Variants in MECOM observed in about 807,000 individuals in gnomAD.
MECOM encodes the protein histone-lysine N-methyltransferase MECOM.
In MECOM, 13 loss-of-function variants were observed where a neutral mutation model predicts 116.3. That is an observed-to-expected ratio of 0.11 (90% CI 0.07 to 0.18). The LOEUF is 0.18. Among genes scored for constraint, MECOM ranks in the 10% least tolerant of loss-of-function variants. MECOM has a pLI of 1.00. For synonymous variants in MECOM, 528 were observed against 535.2 expected (o/e 0.99, Z 0.19); for missense variants, 1,299 against 1,509.0 (o/e 0.86, Z 2.31).
At chr3:169,124,197 T>A (rs1732019894) in intron 5 of MECOM, among the ~76,000 whole-genome samples, 1 of 152,068 alleles carries the variant, frequency 6.6e-6, no homozygotes, top group African/African-American at 2.4e-5. Flanking sequence ...TGAGCGTAAA[T>A]CCCAGCAAAG....
intron 1 of MECOM, among the ~76,000 whole-genome samples, chr3:169,658,298 A>G (rs952580839): frequency 1.8e-4 from 27 of 152,176 alleles, no homozygotes; most frequent in Admixed American, 6.5e-5. Flanking sequence ...TCAGAGTGTA[A>G]CTTTTCCCTC....
At chr3:169,557,199 G>GC (rs990560131) in intron 1 of MECOM, among the ~76,000 whole-genome samples, 23 of 152,234 alleles carry the variant, frequency 1.5e-4, no homozygotes, top group African/African-American at 5.3e-4. Context: ...AAGGGAATGT[G>GC]CCCCTTCTGA....
At chr3:169,530,580 T>C (rs563607653) in intron 1 of MECOM, among the ~76,000 whole-genome samples, 1 of 152,204 alleles carries the variant, frequency 6.6e-6, no homozygotes, top group South Asian at 2.1e-4. Context: ...GGCTTGGATC[T>C]AGTCTCTATA....
At position 169,547,223 on chromosome 3, in the gene MECOM, G is replaced by A. The variant is rs1042789599; in HGVS notation, c.37+116113C>T. Among the ~76,000 whole-genome samples the A allele has an allele frequency of 7.9e-5, 12 of 152,068 alleles. No homozygotes were observed. The East Asian group carries it at 2.1e-3, about 27-fold the overall frequency. On this transcript the variant is annotated intron_variant, in intron 1 of 16. Coordinates refer to ENST00000651503, the MANE Select transcript of MECOM (RefSeq NM_004991.4). ...GAAAGTATGTGGCACTTCCCCCTTT[G>A]TGCTGTCTCGCTCTCTCTCTCCTGC...
At chr3:169,289,786 T>A (rs1714141254) in intron 2 of MECOM, among the ~76,000 whole-genome samples, 1 of 152,202 alleles carries the variant, frequency 6.6e-6, no homozygotes, top group Non-Finnish European at 1.5e-5. Flanking sequence ...TAACTTCCCA[T>A]CTGAGGTTGG....
intron 1 of MECOM, among the ~76,000 whole-genome samples, chr3:169,659,088 A>G (rs9879704): frequency 4.8e-4 from 73 of 151,038 alleles, no homozygotes; most frequent in Middle Eastern, 3.4e-3. Context: ...AAAAAAAAAA[A>G]AAAGAAAGAG....
At chr3:169,421,743 A>G (rs146344366) in intron 1 of MECOM, among the ~76,000 whole-genome samples, 131 of 152,078 alleles carry the variant, frequency 8.6e-4, no homozygotes, top group African/African-American at 2.9e-3. Context: ...TCTTTTCTGC[A>G]TTACGATTGG....
At chr3:169,638,036 G>T (rs1280059104) in intron 1 of MECOM, among the ~76,000 whole-genome samples, 1 of 152,176 alleles carries the variant, frequency 6.6e-6, no homozygotes, top group East Asian at 1.9e-4. Context: ...CTCTGGAGAA[G>T]AAATATTTCA....
At chr3:169,565,095 A>G (rs1763073509) in intron 1 of MECOM, among the ~76,000 whole-genome samples, 1 of 152,168 alleles carries the variant, frequency 6.6e-6, no homozygotes, top group Non-Finnish European at 1.5e-5. Context: ...GGACAAAAGA[A>G]GAAAGGAAAG....
At chr3:169,278,031 C>T (rs376295694) in intron 2 of MECOM, among the ~76,000 whole-genome samples, 16 of 152,196 alleles carry the variant, frequency 1.1e-4, no homozygotes, top group African/African-American at 3.9e-4. Flanking sequence ...TTTACAAACA[C>T]AGTATCAAGC....
intron 1 of MECOM, among the ~76,000 whole-genome samples, chr3:169,484,728 ACTTTTATTTC>A (rs2108874662): frequency 6.6e-6 from 1 of 152,324 alleles, no homozygotes; most frequent in African/African-American, 2.4e-5. Context: ...AAATTATGGC[ACTTTTATTTC>A]CTATGAAGGC....
intron 2 of MECOM, among the ~76,000 whole-genome samples, chr3:169,192,106 T>C (rs1747782241): frequency 6.6e-6 from 1 of 152,026 alleles, no homozygotes; most frequent in African/African-American, 2.4e-5. Context: ...ATGCATAGGT[T>C]TGAGGATCAC....
At position 169,258,534 on chromosome 3, in the gene MECOM, C is replaced by A. The variant is rs367978007; in HGVS notation, c.376-114702G>T. Among the ~76,000 whole-genome samples the A allele has an allele frequency of 8.5e-5, 13 of 152,326 alleles. No individual in the cohort carries two copies. The East Asian group carries it at 2.1e-3, about 25-fold the overall frequency. ...GCCATGTTAAACTGTGGAGTAACCACTCCTGCTCTAAGCCCTTCATCAAAC... is the reference window on the plus strand; with the variant it reads ...GCCATGTTAAACTGTGGAGTAACCAATCCTGCTCTAAGCCCTTCATCAAAC... On this transcript the variant is annotated intron_variant, in intron 2 of 16. Transcript: ENST00000651503.
chr3:169,626,502 C>A (rs1215712189), intron 1 of MECOM, among the ~76,000 whole-genome samples: 1 of 152,150 alleles, frequency 6.6e-6, no homozygotes, highest in East Asian at 1.9e-4. Flanking sequence ...CTCTCTCACT[C>A]AACAAAAAGA....
chr3:169,439,960 C>A (rs1553853261), intron 1 of MECOM, among the ~76,000 whole-genome samples: 1 of 151,946 alleles, frequency 6.6e-6, no homozygotes, highest in Admixed American at 6.6e-5. Flanking sequence ...ACAAGCAAAG[C>A]CAAACAATAT....
intron 2 of MECOM, among the ~76,000 whole-genome samples, chr3:169,380,514 T>C (rs1054126204): frequency 1.3e-5 from 2 of 152,182 alleles, no homozygotes; most frequent in Admixed American, 1.3e-4. Flanking sequence ...AATTCTTAGA[T>C]GTTGCCAAAT....
rs372618015 is a variant in MECOM, at chr3:169,210,716, T to C, written c.376-66884A>G. ...CATGTAACCACCGCCCTAATTGAGA[T>C]AGAGAGCAGTTCCACCTCCCCAGAG... is the stretch of plus-strand genomic sequence containing the variant. On this transcript the variant is annotated intron_variant, in intron 2 of 16. Transcript: ENST00000651503. Among the ~76,000 whole-genome samples, 24 of 152,290 alleles carry C rather than the reference T, an allele frequency of 1.6e-4. No individual in the cohort carries two copies. In the East Asian group the frequency reaches 3.9e-3, roughly 24 times the overall value.
intron 1 of MECOM, among the ~76,000 whole-genome samples, chr3:169,474,738 A>G (rs73040831): frequency 0.068 from 10,394 of 152,102 alleles, 598 homozygotes; most frequent in African/African-American, 0.15. Context: ...TCTGAAACCT[A>G]TGTCATCAAT....
chr3:169,177,883 C>A (rs998199572), intron 2 of MECOM, among the ~76,000 whole-genome samples: 5 of 150,860 alleles, frequency 3.3e-5, no homozygotes, highest in African/African-American at 9.8e-5. Context: ...CCAGCCACTG[C>A]ACTCCAGCCT....
Sources: allele counts gnomAD v4.1 joint callset (sites outside exome capture counted in the v4.1 genomes callset), GRCh38; gene constraint gnomAD v4.1.1; transcripts MANE v1.5; gene names NCBI Gene and HGNC (gene_info 2026-07-23, HGNC 2026-07-21).